Variants in C8orf82 observed in about 807,000 individuals in gnomAD.
C8orf82 encodes chromosome 8 open reading frame 82.
A neutral mutation model predicts 15.0 loss-of-function variants in C8orf82; 24 were observed. The observed-to-expected ratio is 1.60, with a 90% confidence interval of 1.16 to 2.24. C8orf82 has a LOEUF of 2.24. Among genes scored for constraint, C8orf82 ranks in the 30% most tolerant of loss-of-function variants. The probability of loss-of-function intolerance (pLI) is 0.00; values close to 1 mark genes in which losing one functional copy is unlikely to be tolerated. For synonymous variants in C8orf82, 205 were observed against 152.2 expected (o/e 1.35, Z -2.55); for missense variants, 388 against 317.4 (o/e 1.22, Z -1.69).
Position 144,527,264 on chromosome 8 carries a change from C to T in C8orf82, c.*78G>A. ...TAGGCTGCCGCGAGCGCGGGTGGCG[C>T]GGGCTTTCCGGGGCGTGGAGTCCCG... On this transcript the variant is annotated 3_prime_UTR_variant, in exon 3 of 3. Transcript: ENST00000524821. 1 of 1,015,014 alleles carries T rather than the reference C, an allele frequency of 9.9e-7. No individual in the cohort carries two copies. Among genetic ancestry groups the T allele is most frequent in the Non-Finnish European group, 1.2e-6 (1 of 815,806 alleles). 62.9% of individuals were successfully genotyped at this position (1,015,014 alleles called of 1,614,324 possible).
chr8:144,528,714 A>G (rs909386294), intron 1 of C8orf82, 47 bp downstream of exon 1: 2 of 280,806 alleles, frequency 7.1e-6, no homozygotes, highest in East Asian at 1.6e-4. Flanking sequence ...CCGCCCAGAG[A>G]CCTCTCCCGG....
Position 144,528,028 on chromosome 8 carries a change from G to A in C8orf82, c.201C>T (p.Phe67=). The change falls in exon 2 of 3, where the codon TTC becomes TTT. Residue 67 remains phenylalanine, a synonymous_variant. Transcript: ENST00000524821. The part of the protein sequence containing the change: ...DSKMKNFITC[F]KDPQFLVTFF... Reference sequence around the variant, plus strand: ...GAGAGGGAGGCACAGCATTACCTTTGAAGCAGGTGATGAAATTCTTCATTT... The same window carrying A: ...GAGAGGGAGGCACAGCATTACCTTTAAAGCAGGTGATGAAATTCTTCATTT... 2 of 1,612,624 alleles carry A rather than the reference G, an allele frequency of 1.2e-6. No homozygotes were observed. The highest frequency in any genetic ancestry group is 2.2e-5 in the South Asian group (2 of 91,084).
At chr8:144,528,614 C>T (rs1245605777) in intron 1 of C8orf82, 147 bp downstream of exon 1, 4 of 236,904 alleles carry the variant, frequency 1.7e-5, no homozygotes, top group Non-Finnish European at 2.8e-5. Context: ...CCGCGCAGGC[C>T]CCGCCCACCC....
chr8:144,527,345 G>A lies in C8orf82; in HGVS notation c.648C>T (p.Pro216=). ...LAPLLLAARS[P] ...CCCGCCTTTCCCTTGGCCCCGCTCA[G>A]GGCGACCGAGCCGCGAGCAGCAGCG... Residue 216 remains proline (P), a synonymous_variant, in exon 3 of 3, where the codon CCC becomes CCT. Coordinates refer to ENST00000524821, the MANE Select transcript of C8orf82 (RefSeq NM_001001795.2). 8.3e-7 allele frequency: 1 copy of A among 1,197,926 alleles called. No individual in the cohort carries two copies. The highest frequency in any genetic ancestry group is 1.0e-6 in the Non-Finnish European group (1 of 962,830). 74.2% of individuals were successfully genotyped at this position (1,197,926 alleles called of 1,614,324 possible).
chr8:144,528,515 G>A (rs555903012), intron 1 of C8orf82: 17 of 1,404,800 alleles, frequency 1.2e-5, no homozygotes, highest in Middle Eastern at 2.3e-4. Flanking sequence ...GCAGGGACGC[G>A]GCCCATGTAG....
rs1204502881 is a variant in C8orf82, at chr8:144,527,367, A to C, written c.626T>G (p.Leu209Arg). The C allele has an allele frequency of 1.6e-6, 2 of 1,221,772 alleles. No individual in the cohort carries two copies. Among genetic ancestry groups the C allele is most frequent in the Non-Finnish European group, 2.0e-6 (2 of 975,654 alleles). 75.7% of individuals were successfully genotyped at this position (1,221,772 alleles called of 1,614,324 possible). A position where few individuals can be genotyped will look rare whatever the true frequency, so the allele number is the denominator to read the frequency against. The change falls in exon 3 of 3, where the codon CTG becomes CGG. Residue 209 changes from leucine to arginine, a missense_variant. Transcript: ENST00000524821. Reference sequence around the variant, plus strand: ...TCAGGGCGACCGAGCCGCGAGCAGCAGCGGGGCCAGGTCCATGGTGAGGGC... The same window carrying C: ...TCAGGGCGACCGAGCCGCGAGCAGCCGCGGGGCCAGGTCCATGGTGAGGGC... ...RLALTMDLAPLLLAARSP is the reference protein window; with the variant it reads ...RLALTMDLAPRLLAARSP
chr8:144,528,447 G>A (rs1816466920), intron 1 of C8orf82: 2 of 1,479,536 alleles, frequency 1.4e-6, no homozygotes, highest in Non-Finnish European at 9.0e-7. Context: ...TGGCAGCGGC[G>A]AGAAGTCAGC....
rs376044019 is a variant in C8orf82, at chr8:144,527,817, G to A, written c.206-30C>T. 2.1e-5 allele frequency: 33 copies of A among 1,588,514 alleles called. No homozygotes were observed. The East Asian group carries it at 3.8e-4, about 18-fold the overall frequency. ...GGGATGAAGGGTGCGTGTACTCAGC[G>A]CGCTGGGCTCCCAAGGCCTCCGGGC... On this transcript the variant is annotated intron_variant, in intron 2 of 2. Coordinates refer to ENST00000524821, the MANE Select transcript of C8orf82 (RefSeq NM_001001795.2).
Position 144,527,546 on chromosome 8 carries a change from G to A in C8orf82, c.447C>T (p.Ala149=). 1 of 1,401,162 alleles carries A rather than the reference G, an allele frequency of 7.1e-7. No homozygotes were observed. Among genetic ancestry groups the A allele is most frequent in the South Asian group, 1.5e-5 (1 of 66,014 alleles). The allele number at this position is 1,401,162 out of a possible 1,614,324, so 86.8% of individuals were successfully genotyped here. Residue 149 remains alanine, a synonymous_variant, in exon 3 of 3, where the codon GCC becomes GCT. Coordinates refer to ENST00000524821, the MANE Select transcript of C8orf82 (RefSeq NM_001001795.2). ...PFEPARLLPL[A]ANGRLYHPAP... ...CCGGGTGGTACAGGCGCCCGTTGGC[G>A]GCCAGGGGCAGCAGGCGCGCCGGCT... is the stretch of plus-strand genomic sequence containing the variant.
intron 1 of C8orf82, chr8:144,528,420 C>A: frequency 1.3e-6 from 2 of 1,488,622 alleles, no homozygotes; most frequent in South Asian, 1.2e-5. Flanking sequence ...AAAGGCAGGG[C>A]GGCCCGGGTG....
At position 144,528,800 on chromosome 8, in the gene C8orf82, C is replaced by G; in HGVS notation, c.117G>C (p.Arg39=). The G allele has an allele frequency of 6.8e-7, 1 of 1,467,544 alleles. No individual in the cohort carries two copies. The highest frequency in any genetic ancestry group is 1.5e-5 in the African/African-American group (1 of 67,226). The allele number at this position is 1,467,544 out of a possible 1,614,324, so 90.9% of individuals were successfully genotyped here. The change falls in exon 1 of 3, where the codon CGG becomes CGC. Residue 39 remains arginine, a synonymous_variant. Coordinates refer to ENST00000524821, the MANE Select transcript of C8orf82 (RefSeq NM_001001795.2). ...CCACGTAGTAGAAATACTCGCGGGT[C>G]CGCGGCTCCGGACTCTGGCCCTGCG... ...SYTQGQSPEP[R]TREYFYYVDH...
In C8orf82 at chr8:144,529,068, G is replaced by GGGGC. The variant is rs538344339; in HGVS notation, c.-156_-153dup. 2.7e-6 allele frequency: 2 copies of GGGGC among 741,600 alleles called. No homozygotes were observed. The highest frequency in any genetic ancestry group is 3.8e-5 in the African/African-American group (2 of 52,616). The allele number at this position is 741,600 out of a possible 1,614,324, so 45.9% of individuals were successfully genotyped here. On this transcript the variant is annotated 5_prime_UTR_variant, in exon 1 of 3. Coordinates refer to ENST00000524821, the MANE Select transcript of C8orf82 (RefSeq NM_001001795.2). ...GCTCTTCCCTCTCCCTCGGGCCTCGGGGGCTCGCCCGCCCTGGCCTTCCGA... is the reference window on the plus strand; with the variant it reads ...GCTCTTCCCTCTCCCTCGGGCCTCGGGGGCGGGCTCGCCCGCCCTGGCCTTCCGA...
In C8orf82 at chr8:144,526,774, GCCT is replaced by G. The variant is rs1264827149; in HGVS notation, c.*565_*567del. On this transcript the variant is annotated 3_prime_UTR_variant, in exon 3 of 3. Coordinates refer to ENST00000524821, the MANE Select transcript of C8orf82 (RefSeq NM_001001795.2). ...CGACCTGGTGCCTGTATCCCCCACG[GCCT>G]CCTCTGCTACCCACGAGAGCCGGTT... 1 of 152,292 alleles carries G rather than the reference GCCT, an allele frequency of 6.6e-6. No homozygotes were observed. Among genetic ancestry groups the G allele is most frequent in the Non-Finnish European group, 1.5e-5 (1 of 68,068 alleles). The allele number at this position is 152,292 out of a possible 1,614,324, so 9.4% of individuals were successfully genotyped here.
At position 144,528,995 on chromosome 8, in the gene C8orf82, C is replaced by T. The variant is rs1190621999; in HGVS notation, c.-79G>A. On this transcript the variant is annotated 5_prime_UTR_variant, in exon 1 of 3. Transcript: ENST00000524821. ...GAACTCGCGCCTGCCCGCAGTAGCC[C>T]CGCGCTTCGCGTTCCGGCGGCGCCC... 1 of 1,354,330 alleles carries T rather than the reference C, an allele frequency of 7.4e-7. No individual in the cohort carries two copies. The highest frequency in any genetic ancestry group is 9.5e-7 in the Non-Finnish European group (1 of 1,051,590). The allele number at this position is 1,354,330 out of a possible 1,614,324, so 83.9% of individuals were successfully genotyped here. A position where few individuals can be genotyped will look rare whatever the true frequency, so the allele number is the denominator to read the frequency against.
Position 144,528,315 on chromosome 8 carries a change from T to G in C8orf82, c.157-243A>C. ...TCTTTCCCGCACCTTTTCCCTCTTT[T>G]CAAGTTTGTAATCAGTTGTACCACC... On this transcript the variant is annotated intron_variant, in intron 1 of 2. Transcript: ENST00000524821. 3 of 1,509,770 alleles carry G rather than the reference T, an allele frequency of 2.0e-6. No homozygotes were observed. In the South Asian group the frequency reaches 3.6e-5, roughly 18 times the overall value. 93.5% of individuals were successfully genotyped at this position (1,509,770 alleles called of 1,614,324 possible). A position where few individuals can be genotyped will look rare whatever the true frequency, so the allele number is the denominator to read the frequency against.
Position 144,527,215 on chromosome 8 carries a change from G to A in C8orf82, c.*127C>T. 4 of 558,554 alleles carry A rather than the reference G, an allele frequency of 7.2e-6. No individual in the cohort carries two copies. Among genetic ancestry groups the A allele is most frequent in the Non-Finnish European group, 4.9e-6 (2 of 407,634 alleles). The allele number at this position is 558,554 out of a possible 1,614,324, so 34.6% of individuals were successfully genotyped here. ...GCACCAAGGACAGCGCCGGGTGGGG[G>A]CGGGGCCGAGCGCGCAGGCGCACTA... On this transcript the variant is annotated 3_prime_UTR_variant, in exon 3 of 3. Transcript: ENST00000524821.
At position 144,527,289 on chromosome 8, in the gene C8orf82, G is replaced by A. The variant is rs1183826291; in HGVS notation, c.*53C>T. 1 of 1,120,322 alleles carries A rather than the reference G, an allele frequency of 8.9e-7. No homozygotes were observed. Among genetic ancestry groups the A allele is most frequent in the Non-Finnish European group, 1.1e-6 (1 of 907,504 alleles). 69.4% of individuals were successfully genotyped at this position (1,120,322 alleles called of 1,614,324 possible). A position where few individuals can be genotyped will look rare whatever the true frequency, so the allele number is the denominator to read the frequency against. ...CGGGCTTTCCGGGGCGTGGAGTCCCGGGGGAGCGGGGCGAGAGGCGCCCGC... is the reference window on the plus strand; with the variant it reads ...CGGGCTTTCCGGGGCGTGGAGTCCCAGGGGAGCGGGGCGAGAGGCGCCCGC... On this transcript the variant is annotated 3_prime_UTR_variant, in exon 3 of 3. Transcript: ENST00000524821.
rs1586859550 is a variant in C8orf82 at position 144,527,259 on chromosome 8, T to C, written c.*83A>G. On this transcript the variant is annotated 3_prime_UTR_variant, in exon 3 of 3. Coordinates refer to ENST00000524821, the MANE Select transcript of C8orf82 (RefSeq NM_001001795.2). Reference sequence around the variant, plus strand: ...CGCACTAGGCTGCCGCGAGCGCGGGTGGCGCGGGCTTTCCGGGGCGTGGAG... The same window carrying C: ...CGCACTAGGCTGCCGCGAGCGCGGGCGGCGCGGGCTTTCCGGGGCGTGGAG... 1 of 978,712 alleles carries C rather than the reference T, an allele frequency of 1.0e-6. No individual in the cohort carries two copies. Among genetic ancestry groups the C allele is most frequent in the East Asian group, 4.7e-5 (1 of 21,406 alleles). 60.6% of individuals were successfully genotyped at this position (978,712 alleles called of 1,614,324 possible).
chr8:144,528,732 T>C, intron 1 of C8orf82, 29 bp downstream of exon 1: 1 of 510,844 alleles, frequency 2.0e-6, no homozygotes, highest in South Asian at 4.9e-5. Context: ...CGGCCCCGCC[T>C]CTCGAGCAAC....
Sources: allele counts gnomAD v4.1 joint callset, GRCh38; gene constraint gnomAD v4.1.1; transcripts MANE v1.5; gene names NCBI Gene and HGNC (gene_info 2026-07-23, HGNC 2026-07-21).